HSPA13: variants seen among roughly 807,000 people sequenced by gnomAD.
HSPA13 encodes the protein heat shock 70 kDa protein 13.
In HSPA13, 29 loss-of-function variants were observed where a neutral mutation model predicts 38.8. The ratio of observed to expected loss-of-function variants is 0.75; its 90% CI spans 0.56 to 1.02. The LOEUF (loss-of-function observed/expected upper bound fraction) is 1.02, where lower values mean the gene tolerates loss of function less well. Among genes scored for constraint, HSPA13 ranks in the 50% least tolerant of loss-of-function variants. The pLI is 0.00. For missense variants in HSPA13, 451 were observed against 560.9 expected (o/e 0.80, Z 1.98); for synonymous variants, 192 against 205.3 (o/e 0.94, Z 0.56).
chr21:14,378,792 G>C (rs1984095922), intron 2 of HSPA13, among the ~76,000 whole-genome samples: 1 of 151,724 alleles, frequency 6.6e-6, no homozygotes, highest in Non-Finnish European at 1.5e-5. Context: ...GTTAATTTTT[G>C]TATTTTTAGT....
Position 14,381,452 on chromosome 21 carries a change from G to A in HSPA13, c.117C>T (p.Gly39=), listed in dbSNP as rs1243887030. ...PTPKVIGIDL[G]TTYCSVGVFF... ...ACACCCCAACAGAACAATAGGTGGT[G>A]CCAAGATCAATACCAATCACTTTAG... The change falls in exon 2 of 5, where the codon GGC becomes GGT. Residue 39 remains glycine (G), a synonymous_variant. Transcript: ENST00000285667. 1 of 1,614,126 alleles carries A rather than the reference G, an allele frequency of 6.2e-7. No individual in the cohort carries two copies. Among genetic ancestry groups the A allele is most frequent in the Admixed American group, 1.7e-5 (1 of 60,024 alleles).
rs1568721627 is a variant in HSPA13 at position 14,374,236 on chromosome 21, T to C, written c.797A>G (p.Tyr266Cys). Reference protein sequence around the residue: ...GQDFNQRLLQYLYKQIYQTYG... With the variant: ...GQDFNQRLLQCLYKQIYQTYG... ...TGTTTGATAGATCTGTTTATATAAG[T>C]ACTGAAGCAATCTCTGATTGAAGTC... The change falls in exon 5 of 5, where the codon TAC becomes TGC. Residue 266 changes from tyrosine to cysteine, a missense_variant. Transcript: ENST00000285667. 3 of 1,611,928 alleles carry C rather than the reference T, an allele frequency of 1.9e-6. No homozygotes were observed. Among genetic ancestry groups the C allele is most frequent in the East Asian group, 4.5e-5 (2 of 44,886 alleles).
Position 14,375,729 on chromosome 21 carries a change from A to G in HSPA13, c.671T>C (p.Ile224Thr). ...ATCTAGAGTTCCTCCGCCCAAGTCT[A>G]TCACCAAGACGTGGAAGACGTCAGC... ...HKADVFHVLVIDLGGGTLDVS... is the reference protein window; with the variant it reads ...HKADVFHVLVTDLGGGTLDVS... Residue 224 changes from isoleucine (I) to threonine (T), a missense_variant, in exon 4 of 5, where the codon ATA becomes ACA. By Grantham distance (89) the Ile-to-Thr change is moderately conservative. Coordinates refer to ENST00000285667, the MANE Select transcript of HSPA13 (RefSeq NM_006948.5). 3 of 1,614,064 alleles carry G rather than the reference A, an allele frequency of 1.9e-6. No homozygotes were observed. Among genetic ancestry groups the G allele is most frequent in the Non-Finnish European group, 2.5e-6 (3 of 1,179,892 alleles).
At position 14,380,505 on chromosome 21, in the gene HSPA13, T is replaced by TA. The variant is rs895642154; in HGVS notation, c.366+697dup. 7.9e-5 allele frequency among the ~76,000 whole-genome samples: 12 copies of TA among 151,800 alleles called. 1 individual carries two copies. Among genetic ancestry groups the TA allele is most frequent in the African/African-American group, 2.4e-4 (10 of 41,442 alleles). ...TTTCACTTATCTGACTGTTAAAGAT[T>TA]AAAAAAAATAACTAGCGAAGATACA... On this transcript the variant is annotated intron_variant, in intron 2 of 4. Transcript: ENST00000285667.
rs1218743449 is a variant in HSPA13 at position 14,372,949 on chromosome 21, T to C, written c.*668A>G. ...CTAGAATATAATTGGGTATTTCTATTATATGGTGCTGAAACATTTGAATAC... is the reference window on the plus strand; with the variant it reads ...CTAGAATATAATTGGGTATTTCTATCATATGGTGCTGAAACATTTGAATAC... On this transcript the variant is annotated 3_prime_UTR_variant, in exon 5 of 5. Coordinates refer to ENST00000285667, the MANE Select transcript of HSPA13 (RefSeq NM_006948.5). 2 of 152,192 alleles carry C rather than the reference T, an allele frequency of 1.3e-5. No individual in the cohort carries two copies. Among genetic ancestry groups the C allele is most frequent in the Non-Finnish European group, 2.9e-5 (2 of 68,018 alleles). The allele number at this position is 152,192 out of a possible 1,614,324, so 9.4% of individuals were successfully genotyped here. A position where few individuals can be genotyped will look rare whatever the true frequency, so the allele number is the denominator to read the frequency against.
intron 3 of HSPA13, among the ~76,000 whole-genome samples, 181 bp from the exon 4 acceptor site, chr21:14,376,000 T>C (rs1451252344): frequency 6.6e-5 from 10 of 152,234 alleles, no homozygotes; most frequent in Non-Finnish European, 8.8e-5. Context: ...TTCTAAATGC[T>C]ATCTTTAAAA....
intron 4 of HSPA13, among the ~76,000 whole-genome samples, chr21:14,375,010 T>C (rs550646825): frequency 2.4e-4 from 37 of 152,302 alleles, no homozygotes; most frequent in African/African-American, 8.7e-4. Context: ...TACCTGTAAC[T>C]TACAACTCAA....
chr21:14,374,539 G>A (rs1983971466), intron 4 of HSPA13, among the ~76,000 whole-genome samples: 1 of 151,970 alleles, frequency 6.6e-6, no homozygotes, highest in South Asian at 2.1e-4. Context: ...AGACCAGACT[G>A]GGTAACATAG....
At chr21:14,379,938 G>A (rs1230400351) in intron 2 of HSPA13, among the ~76,000 whole-genome samples, 1 of 151,966 alleles carries the variant, frequency 6.6e-6, no homozygotes, top group Non-Finnish European at 1.5e-5. Context: ...ACTTGAACCT[G>A]GGAGGCAGAG....
chr21:14,377,208 T>C (rs1395511898), intron 3 of HSPA13, among the ~76,000 whole-genome samples: 1 of 152,252 alleles, frequency 6.6e-6, no homozygotes, highest in Non-Finnish European at 1.5e-5. Flanking sequence ...ATGCTCATTC[T>C]GTGTTTCCCT....
intron 2 of HSPA13, among the ~76,000 whole-genome samples, chr21:14,379,225 G>A (rs1298369348): frequency 6.6e-6 from 1 of 152,000 alleles, no homozygotes; most frequent in Non-Finnish European, 1.5e-5. Flanking sequence ...ATGAAAACAT[G>A]TATTGTGCAT....
chr21:14,373,903 AGGTCTTC>A lies in HSPA13; in HGVS notation c.1123_1129del (p.Glu375SerfsTer13). ...AATGGGTACCAGTATTTTCTGAAAG[AGGTCTTC>A]ATTAAGGGTATCAAAGAGTTTCCGT... On this transcript the variant is annotated frameshift_variant, in exon 5 of 5. Transcript: ENST00000285667. LOFTEE classifies it high-confidence loss of function. The A allele has an allele frequency of 6.2e-7, 1 of 1,614,214 alleles. No homozygotes were observed. Among genetic ancestry groups the A allele is most frequent in the East Asian group, 2.2e-5 (1 of 44,880 alleles).
At chr21:14,376,606 C>A (rs999991883) in intron 3 of HSPA13, among the ~76,000 whole-genome samples, 2 of 152,142 alleles carry the variant, frequency 1.3e-5, no homozygotes, top group African/African-American at 2.4e-5. Context: ...TGACAACATT[C>A]AAACTCTAAA....
In HSPA13 at chr21:14,373,781, T is replaced by A; in HGVS notation, c.1252A>T (p.Ile418Phe). 6.2e-7 allele frequency: 1 copy of A among 1,614,224 alleles called. No homozygotes were observed. The highest frequency in any genetic ancestry group is 8.5e-7 in the Non-Finnish European group (1 of 1,180,038). ...STRIPRIRQV[I>F]QEFFGKDPNT... Reference sequence around the variant, plus strand: ...GGATCTTTTCCAAAGAACTCTTGAATGACTTGACGGATCCGAGGAATACGA... The same window carrying A: ...GGATCTTTTCCAAAGAACTCTTGAAAGACTTGACGGATCCGAGGAATACGA... The change falls in exon 5 of 5, where the codon ATT (isoleucine) becomes TTT (phenylalanine). Residue 418 changes from isoleucine to phenylalanine, a missense_variant. Coordinates refer to ENST00000285667, the MANE Select transcript of HSPA13 (RefSeq NM_006948.5).
At chr21:14,375,921 C>A in intron 3 of HSPA13, 102 bp from the exon 4 acceptor site, 1 of 858,514 alleles carries the variant, frequency 1.2e-6, no homozygotes. Context: ...TGAACTCCAC[C>A]ACTGAGTAAT....
At chr21:14,377,512 C>A (rs1347345119) in intron 3 of HSPA13, among the ~76,000 whole-genome samples, 1 of 152,144 alleles carries the variant, frequency 6.6e-6, no homozygotes, top group East Asian at 1.9e-4. Flanking sequence ...GTATAAAAAT[C>A]TATCTACTTT....
In HSPA13 at chr21:14,378,414, T is replaced by C; in HGVS notation, c.367-2A>G. The C allele has an allele frequency of 6.2e-7, 1 of 1,600,680 alleles. No homozygotes were observed. Among genetic ancestry groups the C allele is most frequent in the Non-Finnish European group, 8.6e-7 (1 of 1,167,990 alleles). On this transcript the variant is annotated splice_acceptor_variant, in intron 2 of 4. Coordinates refer to ENST00000285667, the MANE Select transcript of HSPA13 (RefSeq NM_006948.5). LOFTEE classifies it high-confidence loss of function. ...AACCATTCCATTTTTGTTTAAAACC[T>C]GTGAATAGGATTTGCAAATAAGTAA...
At chr21:14,382,636 G>A (rs1055653802) in intron 1 of HSPA13, among the ~76,000 whole-genome samples, 3 of 152,084 alleles carry the variant, frequency 2.0e-5, no homozygotes, top group Admixed American at 6.5e-5. Context: ...TGTGTGTGTG[G>A]GTGGGGGATA....
chr21:14,377,131 A>G (rs1337098460), intron 3 of HSPA13, among the ~76,000 whole-genome samples: 1 of 151,816 alleles, frequency 6.6e-6, no homozygotes, highest in Non-Finnish European at 1.5e-5. Context: ...GTCCTCCACA[A>G]TAAAGAATTA....
Sources: gnomAD v4.1 joint callset for allele counts (sites outside exome capture counted in the v4.1 genomes callset) on GRCh38, gnomAD v4.1.1 for gene constraint, MANE v1.5 for transcripts, NCBI Gene and HGNC (gene_info 2026-07-23, HGNC 2026-07-21) for gene names.